The following NLGN4X variants were observed in gnomAD, a reference collection of about 807,000 sequenced individuals.
NLGN4X encodes the protein neuroligin 4 X-linked.
A neutral mutation model predicts 40.3 loss-of-function variants in NLGN4X; 3 were observed. That is an observed-to-expected ratio of 0.07 (90% CI 0.03 to 0.19). The LOEUF (loss-of-function observed/expected upper bound fraction) is 0.19, where lower values mean the gene tolerates loss of function less well. Among genes scored for constraint, NLGN4X ranks in the 10% least tolerant of loss-of-function variants. The pLI is 1.00. For synonymous variants in NLGN4X, 270 were observed against 306.8 expected, an observed-to-expected ratio of 0.88 and a Z score of 1.25; for missense variants, 382 against 708.3, an observed-to-expected ratio of 0.54 and a Z score of 5.23.
chrX:6,195,433 C>T (rs776629418), intron 1 of NLGN4X, among the ~76,000 whole-genome samples: 6 of 112,019 alleles, frequency 5.4e-5, no homozygotes, highest in African/African-American at 1.6e-4. Flanking sequence ...CCGCAATCTC[C>T]GCACTGTGGG....
intron 2 of NLGN4X, among the ~76,000 whole-genome samples, chrX:6,104,926 G>A (rs766746205): frequency 9.7e-4 from 108 of 111,635 alleles, no homozygotes; most frequent in South Asian, 5.3e-3. Flanking sequence ...AGCAGAGATG[G>A]AACCAAAACT....
intron 5 of NLGN4X, among the ~76,000 whole-genome samples, chrX:5,899,793 A>G (rs1173010941): frequency 9.1e-6 from 1 of 109,697 alleles, no homozygotes; most frequent in Non-Finnish European, 1.9e-5. Flanking sequence ...AGCATTATTT[A>G]GATTTCACTA....
intron 3 of NLGN4X, among the ~76,000 whole-genome samples, chrX:6,008,475 T>C (rs902329789): frequency 8.9e-6 from 1 of 111,850 alleles, no homozygotes; most frequent in Non-Finnish European, 1.9e-5. Flanking sequence ...AAATGAGATA[T>C]AGAGTGTATG....
chrX:6,076,473 T>C (rs1292550521), intron 2 of NLGN4X, among the ~76,000 whole-genome samples: 1 of 112,034 alleles, frequency 8.9e-6, no homozygotes, highest in Non-Finnish European at 1.9e-5. Flanking sequence ...TGGCAATTTT[T>C]CTGGTTGTTC....
intron 2 of NLGN4X, among the ~76,000 whole-genome samples, chrX:6,066,375 C>A (rs2037917241): frequency 8.9e-6 from 1 of 112,433 alleles, no homozygotes; most frequent in Admixed American, 9.4e-5. Flanking sequence ...CTTGTTATTG[C>A]CTCTGCCTTC....
In NLGN4X at chrX:6,171,868, A is replaced by T. The variant is rs140331519; in HGVS notation, c.-305-20097T>A. Among the ~76,000 whole-genome samples, 380 of 110,989 alleles carry T rather than the reference A, an allele frequency of 3.4e-3. 1 individual carries two copies. The highest frequency in any genetic ancestry group is 0.012 in the African/African-American group (365 of 30,505). On this transcript the variant is annotated intron_variant, in intron 1 of 5. Coordinates refer to ENST00000381095, the MANE Select transcript of NLGN4X (RefSeq NM_181332.3). ...GGTGGGAGGTGATGGCATCATGGGGAGCAGAGTTCTCTTGAATGGTACTGT... is the reference window on the plus strand; with the variant it reads ...GGTGGGAGGTGATGGCATCATGGGGTGCAGAGTTCTCTTGAATGGTACTGT...
chrX:6,169,184 A>C (rs1485857289), intron 1 of NLGN4X, among the ~76,000 whole-genome samples: 1 of 112,078 alleles, frequency 8.9e-6, no homozygotes, highest in Non-Finnish European at 1.9e-5. Context: ...ACCAAAGGAT[A>C]AGATCATGTC....
intron 5 of NLGN4X, among the ~76,000 whole-genome samples, 179 bp downstream of exon 5, chrX:5,902,898 G>A (rs1020285525): frequency 2.7e-5 from 3 of 112,243 alleles, no homozygotes; most frequent in Middle Eastern, 4.6e-3. Context: ...AGATGTTGGG[G>A]GAGAAGCTGC....
intron 2 of NLGN4X, among the ~76,000 whole-genome samples, chrX:6,125,772 C>A (rs917307985): frequency 2.2e-4 from 25 of 111,245 alleles, no homozygotes; most frequent in African/African-American, 2.9e-4. Flanking sequence ...AGAAAATATA[C>A]AATTAAAGAA....
chrX:5,962,379 G>C (rs1462064610), intron 3 of NLGN4X, among the ~76,000 whole-genome samples: 1 of 111,597 alleles, frequency 9.0e-6, no homozygotes, highest in Non-Finnish European at 1.9e-5. Flanking sequence ...TGAGATATTT[G>C]GCAGCTTTCC....
intron 2 of NLGN4X, among the ~76,000 whole-genome samples, chrX:6,074,627 A>G (rs931746019): frequency 8.9e-6 from 1 of 111,864 alleles, no homozygotes; most frequent in Admixed American, 9.5e-5. Flanking sequence ...CCATTGTCGT[A>G]GCAATGGCAG....
intron 3 of NLGN4X, among the ~76,000 whole-genome samples, chrX:5,940,275 C>T (rs1215392268): frequency 8.9e-6 from 1 of 111,996 alleles, no homozygotes; most frequent in African/African-American, 3.2e-5. Context: ...TCCCTTAAAC[C>T]ACTGGCAGAT....
chrX:5,896,254 G>A (rs1210338311), intron 5 of NLGN4X, among the ~76,000 whole-genome samples: 1 of 111,616 alleles, frequency 9.0e-6, no homozygotes, highest in African/African-American at 3.3e-5. Flanking sequence ...TAAAGCAGAG[G>A]ATTTGGAAAA....
intron 1 of NLGN4X, among the ~76,000 whole-genome samples, chrX:6,152,898 G>A (rs1466619256): frequency 8.9e-6 from 1 of 112,349 alleles, no homozygotes; most frequent in Non-Finnish European, 1.9e-5. Flanking sequence ...ATTGAGCCTG[G>A]AGTCAACTTT....
At chrX:6,127,194 C>A (rs2039572827) in intron 2 of NLGN4X, among the ~76,000 whole-genome samples, 1 of 111,655 alleles carries the variant, frequency 9.0e-6, no homozygotes, top group South Asian at 3.8e-4. Flanking sequence ...TCCAGTTCAA[C>A]CTCAGCGGGC....
At chrX:6,163,120 CT>C (rs2040432955) in intron 1 of NLGN4X, among the ~76,000 whole-genome samples, 1 of 111,714 alleles carries the variant, frequency 9.0e-6, no homozygotes, top group African/African-American at 3.3e-5. Context: ...CTTACCTTGC[CT>C]TTTGCCATAA....
intron 1 of NLGN4X, among the ~76,000 whole-genome samples, chrX:6,221,968 A>G (rs1450130892): frequency 8.9e-6 from 1 of 111,903 alleles, no homozygotes; most frequent in East Asian, 2.8e-4. Flanking sequence ...GCACTTTACA[A>G]AAACAAACCA....
At chrX:5,918,723 T>C (rs577298362) in intron 3 of NLGN4X, among the ~76,000 whole-genome samples, 4 of 112,391 alleles carry the variant, frequency 3.6e-5, no homozygotes, top group African/African-American at 9.7e-5. Context: ...TGAAGATAGC[T>C]ACATCCTAAT....
intron 1 of NLGN4X, among the ~76,000 whole-genome samples, chrX:6,182,173 G>C (rs1030595313): frequency 8.0e-5 from 9 of 111,900 alleles, no homozygotes; most frequent in African/African-American, 2.9e-4. Flanking sequence ...AAATGGGATA[G>C]AAAAGGGAAC....
Sources: allele counts gnomAD v4.1 joint callset (sites outside exome capture counted in the v4.1 genomes callset), GRCh38; gene constraint gnomAD v4.1.1; transcripts MANE v1.5; gene names NCBI Gene and HGNC (gene_info 2026-07-23, HGNC 2026-07-21).